The following BIVM variants were observed in gnomAD, a reference collection of about 807,000 sequenced individuals.
The protein encoded by BIVM is basic immunoglobulin-like variable motif-containing protein.
In BIVM, 31 loss-of-function variants were observed where a neutral mutation model predicts 61.4. That is an observed-to-expected ratio of 0.51 (90% confidence interval 0.38 to 0.68). The LOEUF is 0.68. Among genes scored for constraint, BIVM ranks in the 30% least tolerant of loss-of-function variants. The pLI, the probability that BIVM is intolerant of heterozygous loss-of-function variation, is 0.00. For missense variants in BIVM, 526 were observed against 596.0 expected (o/e 0.88, Z 1.22); for synonymous variants, 189 against 210.7 (o/e 0.90, Z 0.89).
chr13:102,823,107 G>T (rs1880411834), intron 7 of BIVM, among the ~76,000 whole-genome samples: 1 of 152,186 alleles, frequency 6.6e-6, no homozygotes, highest in Non-Finnish European at 1.5e-5. Context: ...AGGGTTGTGG[G>T]TTCTCTCTAA....
chr13:102,805,449 G>A (rs1388794901), intron 2 of BIVM, 59 bp downstream of exon 2: 1 of 152,070 alleles, frequency 6.6e-6, no homozygotes, highest in Non-Finnish European at 1.5e-5. Context: ...ATCTGTGGCC[G>A]TTATTCATCA....
intron 8 of BIVM, among the ~76,000 whole-genome samples, chr13:102,833,593 G>A (rs1397094624): frequency 6.6e-6 from 1 of 152,096 alleles, no homozygotes; most frequent in Non-Finnish European, 1.5e-5. Flanking sequence ...AAAGTGCTTG[G>A]ATTATAGACG....
intron 3 of BIVM, among the ~76,000 whole-genome samples, chr13:102,813,361 T>C (rs2139174426): frequency 6.6e-6 from 1 of 152,350 alleles, no homozygotes; most frequent in East Asian, 1.9e-4. Flanking sequence ...TTAATAAAGC[T>C]CCTCAGCTTT....
chr13:102,817,302 C>T (rs982087342), intron 4 of BIVM, among the ~76,000 whole-genome samples: 3 of 152,180 alleles, frequency 2.0e-5, no homozygotes, highest in African/African-American at 7.2e-5. Context: ...CATCTAACCT[C>T]AATATTTCCT....
rs548739185 is a variant in BIVM at position 102,808,002 on chromosome 13, A to G, written c.478+257A>G. ...AGAGATTTGAAAATCTAATAATGTA[A>G]AATATTATAAACAGATGGTAGCTTA... On this transcript the variant is annotated intron_variant, in intron 3 of 10. Transcript: ENST00000257336. Among the ~76,000 whole-genome samples the G allele has an allele frequency of 3.9e-5, 6 of 152,328 alleles. No homozygotes were observed. In the East Asian group the frequency reaches 1.2e-3, roughly 29 times the overall value.
At chr13:102,808,901 A>G (rs143239319) in intron 3 of BIVM, among the ~76,000 whole-genome samples, 2,828 of 152,230 alleles carry the variant, frequency 0.019, 105 homozygotes, top group African/African-American at 0.065. Context: ...GCATCCTAAT[A>G]CTGGTAATTA....
At chr13:102,826,543 A>T (rs1445628869) in intron 7 of BIVM, among the ~76,000 whole-genome samples, 2 of 152,182 alleles carry the variant, frequency 1.3e-5, no homozygotes, top group African/African-American at 4.8e-5. Context: ...TGGGGTGTGG[A>T]CCAAAATGCA....
At chr13:102,816,352 G>T in intron 3 of BIVM, 76 bp from the exon 4 acceptor site, 5 of 1,351,068 alleles carry the variant, frequency 3.7e-6, no homozygotes, top group East Asian at 2.9e-5. Context: ...TCTTAATTTT[G>T]GTGCATAATT....
intron 8 of BIVM, among the ~76,000 whole-genome samples, chr13:102,833,559 G>A (rs1433059036): frequency 6.6e-6 from 1 of 152,036 alleles, no homozygotes; most frequent in Non-Finnish European, 1.5e-5. Flanking sequence ...CTGGGCTCCA[G>A]TGATCTGACC....
chr13:102,822,075 C>A lies in BIVM; in HGVS notation c.817C>A (p.Gln273Lys), dbSNP rs776139273. The change falls in exon 7 of 11, where the codon CAA becomes AAA. Residue 273 changes from glutamine (Q) to lysine (K), a missense_variant. Transcript: ENST00000257336. ...GNTTLMRWFR[Q>K]INDHFHVKGC... The stretch of plus-strand genomic sequence containing the variant: ...TCTTGTTACTTTCAGGTGGTTTAGA[C>A]AAATTAATGACCACTTCCATGTAAA... The A allele has an allele frequency of 1.2e-6, 2 of 1,613,682 alleles. No homozygotes were observed. Among genetic ancestry groups the A allele is most frequent in the Non-Finnish European group, 1.7e-6 (2 of 1,179,978 alleles).
In BIVM at chr13:102,834,840, TTAAG is replaced by T. The variant is rs552192778; in HGVS notation, c.1121+292_1121+295del. ...ACAATATTATTTTTGCATCAATATC[TTAAG>T]TAACATTTTTGAGATTCCTCCATTG... On this transcript the variant is annotated intron_variant, in intron 9 of 10. Transcript: ENST00000257336. 3.3e-4 allele frequency among the ~76,000 whole-genome samples: 50 copies of T among 152,336 alleles called. 2 individuals are homozygous for T. In the South Asian group the frequency reaches 9.3e-3, roughly 28 times the overall value.
chr13:102,825,620 G>A (rs1021582901), intron 7 of BIVM, among the ~76,000 whole-genome samples: 24 of 152,302 alleles, frequency 1.6e-4, no homozygotes, highest in Non-Finnish European at 2.9e-4. Flanking sequence ...TGGGCTCCTC[G>A]ATGTTTCCCT....
At chr13:102,808,221 A>G (rs775664537) in intron 3 of BIVM, among the ~76,000 whole-genome samples, 9 of 152,206 alleles carry the variant, frequency 5.9e-5, no homozygotes, top group South Asian at 2.1e-4. Context: ...GTACTGCTCA[A>G]TTTAAGAGGA....
intron 8 of BIVM, among the ~76,000 whole-genome samples, chr13:102,833,471 G>T (rs1176311809): frequency 1.3e-5 from 2 of 151,776 alleles, no homozygotes; most frequent in African/African-American, 4.8e-5. Context: ...GGAACTACAG[G>T]TACACACCAC....
chr13:102,820,681 C>A lies in BIVM; in HGVS notation c.606-356C>A, dbSNP rs370269765. ...TCTCTGAGAAGTTGACACGTGGGGG[C>A]AATGGTTTGTTTCTCTTGTATTTCT... is the stretch of plus-strand genomic sequence containing the variant. On this transcript the variant is annotated intron_variant, in intron 4 of 10. Coordinates refer to ENST00000257336, the MANE Select transcript of BIVM (RefSeq NM_017693.4). 910 of 209,332 alleles carry A rather than the reference C, an allele frequency of 4.3e-3. 12 individuals carry two copies. Among genetic ancestry groups the A allele is most frequent in the South Asian group, 0.029 (389 of 13,200 alleles). The allele number at this position is 209,332 out of a possible 1,614,324, so 13.0% of individuals were successfully genotyped here.
chr13:102,834,522 G>T lies in BIVM; in HGVS notation c.1091G>T (p.Ser364Ile). The change falls in exon 9 of 11, where the codon AGT (serine) becomes ATT (isoleucine). Residue 364 changes from serine to isoleucine, a missense_variant. By Grantham distance (142) the Ser-to-Ile change is moderately radical. Transcript: ENST00000257336. ...VEYWILIGES[S>I]RKHPAIHCKK... ...TATTGGATCTTAATTGGAGAATCAA[G>T]TAGAAAACATCCTGCCATTCACTGT... is the stretch of plus-strand genomic sequence containing the variant. 1.3e-6 allele frequency: 2 copies of T among 1,590,274 alleles called. No homozygotes were observed. The highest frequency in any genetic ancestry group is 1.7e-6 in the Non-Finnish European group (2 of 1,173,028).
At chr13:102,817,265 A>AT in intron 4 of BIVM, among the ~76,000 whole-genome samples, 1 of 152,112 alleles carries the variant, frequency 6.6e-6, no homozygotes, top group East Asian at 1.9e-4. Flanking sequence ...CCAGATTTGT[A>AT]TTTTCCTTTT....
intron 3 of BIVM, among the ~76,000 whole-genome samples, chr13:102,810,488 T>C (rs1411720559): frequency 2.6e-5 from 4 of 152,240 alleles, no homozygotes; most frequent in Non-Finnish European, 5.9e-5. Context: ...CCATTTACAT[T>C]TGAAGTAATC....
intron 3 of BIVM, among the ~76,000 whole-genome samples, chr13:102,814,711 G>T (rs1365768428): frequency 1.3e-5 from 2 of 152,138 alleles, no homozygotes; most frequent in African/African-American, 4.8e-5. Flanking sequence ...GTGATGTTCA[G>T]CTCTGTGAAA....
Sources: allele counts gnomAD v4.1 joint callset (sites outside exome capture counted in the v4.1 genomes callset), GRCh38; gene constraint gnomAD v4.1.1; transcripts MANE v1.5; gene names NCBI Gene and HGNC (gene_info 2026-07-23, HGNC 2026-07-21).